The following GRM7 variants were observed in gnomAD, a reference collection of about 807,000 sequenced individuals.
GRM7 encodes the protein metabotropic glutamate receptor 7.
Under a neutral mutation model 84.5 loss-of-function variants are expected in GRM7, and 35 were observed. That is an observed-to-expected ratio of 0.41 (90% CI 0.32 to 0.55). The LOEUF (loss-of-function observed/expected upper bound fraction) is 0.55, where lower values mean the gene tolerates loss of function less well. GRM7 is among the 20% of genes least tolerant of loss of function. GRM7 has a pLI of 0.19. For missense variants in GRM7, 1,003 were observed against 1,194.6 expected (o/e 0.84, Z 2.36); for synonymous variants, 487 against 455.1 (o/e 1.07, Z -0.89).
In GRM7 at chr3:6,962,124, G is replaced by C. The variant is rs117252902; in HGVS notation, c.519+100217G>C. On this transcript the variant is annotated intron_variant, in intron 1 of 9. Coordinates refer to ENST00000357716, the MANE Select transcript of GRM7 (RefSeq NM_000844.4). ...CATTCATTACCTTATGCATACTTTTGATACCATATGAGCTAGATCTCCCTT... is the reference window on the plus strand; with the variant it reads ...CATTCATTACCTTATGCATACTTTTCATACCATATGAGCTAGATCTCCCTT... Among the ~76,000 whole-genome samples, 43 of 152,142 alleles carry C rather than the reference G, an allele frequency of 2.8e-4. No individual in the cohort carries two copies. In the East Asian group the frequency reaches 7.9e-3, roughly 28 times the overall value.
At chr3:7,464,882 A>G (rs904497568) in intron 7 of GRM7, among the ~76,000 whole-genome samples, 2 of 150,358 alleles carry the variant, frequency 1.3e-5, no homozygotes, top group Non-Finnish European at 3.0e-5. Context: ...TGTAATCCCA[A>G]CTACTTGGGA....
At chr3:7,331,203 A>G (rs990972916) in intron 4 of GRM7, among the ~76,000 whole-genome samples, 20 of 152,218 alleles carry the variant, frequency 1.3e-4, no homozygotes, top group African/African-American at 4.6e-4. Context: ...TACTAAATAA[A>G]TATGTTTAAA....
chr3:6,882,014 G>T (rs148077450), intron 1 of GRM7, among the ~76,000 whole-genome samples: 1 of 151,632 alleles, frequency 6.6e-6, no homozygotes, highest in Admixed American at 6.6e-5. Flanking sequence ...ATCCAACTGT[G>T]GTTCACTGTT....
chr3:7,706,045 A>C (rs534496923), intron 9 of GRM7, among the ~76,000 whole-genome samples: 1 of 151,378 alleles, frequency 6.6e-6, no homozygotes, highest in African/African-American at 2.5e-5. Flanking sequence ...CAGAGGTAAA[A>C]ACAACAACAC....
At chr3:7,205,037 G>A (rs78302571) in intron 2 of GRM7, among the ~76,000 whole-genome samples, 1,631 of 152,280 alleles carry the variant, frequency 0.011, 26 homozygotes, top group African/African-American at 0.038. Context: ...AAGGACGGTA[G>A]CAGTGTGGAA....
At chr3:7,490,028 A>T (rs1450101) in intron 7 of GRM7, among the ~76,000 whole-genome samples, 1 of 151,728 alleles carries the variant, frequency 6.6e-6, no homozygotes, top group African/African-American at 2.4e-5. Context: ...TGACAAAAAT[A>T]TGCTGAAATC....
chr3:7,308,670 G>A (rs569925870), intron 4 of GRM7, among the ~76,000 whole-genome samples: 10 of 152,280 alleles, frequency 6.6e-5, no homozygotes, highest in African/African-American at 2.2e-4. Flanking sequence ...GCATTGGAAG[G>A]TTTAGAAGTT....
chr3:6,956,626 T>C, intron 1 of GRM7: 1 of 456,694 alleles, frequency 2.2e-6, no homozygotes, highest in South Asian at 1.5e-5. Flanking sequence ...AAAAGTAAGT[T>C]CAAGCTCATC....
At chr3:7,098,762 A>G (rs1698942796) in intron 1 of GRM7, among the ~76,000 whole-genome samples, 1 of 151,992 alleles carries the variant, frequency 6.6e-6, no homozygotes, top group Non-Finnish European at 1.5e-5. Flanking sequence ...ATTTGTTTCT[A>G]CTGCAAGGTG....
At chr3:7,264,440 A>G (rs1048662720) in intron 2 of GRM7, among the ~76,000 whole-genome samples, 1 of 152,072 alleles carries the variant, frequency 6.6e-6, no homozygotes, top group Non-Finnish European at 1.5e-5. Flanking sequence ...TCCTCCTGCC[A>G]GGATTCCAGA....
intron 5 of GRM7, among the ~76,000 whole-genome samples, chr3:7,425,456 C>T (rs922053856): frequency 6.6e-6 from 1 of 152,118 alleles, no homozygotes; most frequent in African/African-American, 2.4e-5. Flanking sequence ...TTGCTTGGGA[C>T]CTTCTGTCCA....
chr3:6,977,915 T>G (rs560592678), intron 1 of GRM7, among the ~76,000 whole-genome samples: 1 of 152,230 alleles, frequency 6.6e-6, no homozygotes, highest in South Asian at 2.1e-4. Flanking sequence ...TAAAATTCTG[T>G]TTTTGCCCTA....
At chr3:7,333,349 G>A (rs931295249) in intron 4 of GRM7, among the ~76,000 whole-genome samples, 3 of 152,162 alleles carry the variant, frequency 2.0e-5, no homozygotes, top group African/African-American at 7.2e-5. Context: ...CCAGAGCCCG[G>A]TAGCCCCACT....
intron 1 of GRM7, among the ~76,000 whole-genome samples, chr3:7,065,706 G>A (rs939238239): frequency 5.9e-5 from 9 of 151,736 alleles, no homozygotes; most frequent in Admixed American, 2.0e-4. Flanking sequence ...TTTTAGAATT[G>A]TTTTTTCTAA....
chr3:7,314,794 C>T (rs369214134), intron 4 of GRM7, among the ~76,000 whole-genome samples: 11 of 152,072 alleles, frequency 7.2e-5, no homozygotes, highest in East Asian at 3.9e-4. Context: ...ATTTTTCCTC[C>T]CTTTGAATAA....
intron 2 of GRM7, among the ~76,000 whole-genome samples, chr3:7,295,315 T>A (rs1294691234): frequency 6.6e-6 from 1 of 152,164 alleles, no homozygotes; most frequent in Admixed American, 6.6e-5. Flanking sequence ...TGTGTTGGTA[T>A]ACTTCTGAGC....
At chr3:7,022,627 A>G (rs1294527444) in intron 1 of GRM7, among the ~76,000 whole-genome samples, 1 of 152,172 alleles carries the variant, frequency 6.6e-6, no homozygotes, top group Non-Finnish European at 1.5e-5. Flanking sequence ...CCTTATATTT[A>G]TACTGTTGTA....
At chr3:7,495,874 T>C (rs1173584695) in intron 7 of GRM7, among the ~76,000 whole-genome samples, 1 of 152,204 alleles carries the variant, frequency 6.6e-6, no homozygotes, top group African/African-American at 2.4e-5. Flanking sequence ...TCACCTTCTT[T>C]TACCACCCTT....
intron 7 of GRM7, among the ~76,000 whole-genome samples, chr3:7,549,460 G>C (rs1693333887): frequency 6.6e-6 from 1 of 152,126 alleles, no homozygotes; most frequent in South Asian, 2.1e-4. Context: ...CAGATAACTG[G>C]TTGTAAACAT....
Sources: allele counts gnomAD v4.1 joint callset (sites outside exome capture counted in the v4.1 genomes callset), GRCh38; gene constraint gnomAD v4.1.1; transcripts MANE v1.5; gene names NCBI Gene and HGNC (gene_info 2026-07-23, HGNC 2026-07-21).